MOSMO: variants seen among roughly 807,000 people sequenced by gnomAD.
MOSMO encodes modulator of smoothened protein.
A neutral mutation model predicts 18.4 loss-of-function variants in MOSMO; 5 were observed. That is an observed-to-expected ratio of 0.27 (90% CI 0.14 to 0.57). The LOEUF is 0.57. Ranked by LOEUF, MOSMO falls within the 20% of genes least tolerant of loss-of-function variation. The probability of loss-of-function intolerance (pLI) is 0.92; values close to 1 mark genes in which losing one functional copy is unlikely to be tolerated. For missense variants in MOSMO, 138 were observed against 211.8 expected (o/e 0.65, Z 2.16); for synonymous variants, 82 against 82.3 (o/e 1.00, Z 0.02).
chr16:22,034,059 A>G (rs940630940), intron 1 of MOSMO, among the ~76,000 whole-genome samples: 1 of 152,210 alleles, frequency 6.6e-6, no homozygotes, highest in East Asian at 1.9e-4. Flanking sequence ...CTCTATGTAC[A>G]TTTAGAACTA....
chr16:22,032,508 A>G (rs1373852278), intron 1 of MOSMO, among the ~76,000 whole-genome samples: 1 of 151,968 alleles, frequency 6.6e-6, no homozygotes, highest in Non-Finnish European at 1.5e-5. Context: ...CCATTTTTAA[A>G]TTGGATTACT....
chr16:22,048,897 A>G (rs1488936247), intron 1 of MOSMO, among the ~76,000 whole-genome samples: 2 of 152,078 alleles, frequency 1.3e-5, no homozygotes, highest in Non-Finnish European at 2.9e-5. Flanking sequence ...ATAAGTATCT[A>G]GCTTTATGTT....
chr16:22,053,121 A>AT lies in MOSMO; in HGVS notation c.107-22353dup, dbSNP rs1211942784. 9.5e-3 allele frequency among the ~76,000 whole-genome samples: 1,356 copies of AT among 142,572 alleles called. 13 individuals carry two copies. The highest frequency in any genetic ancestry group is 9.9e-3 in the Non-Finnish European group (644 of 64,756). 93.5% of individuals were successfully genotyped at this position (142,572 alleles called of 152,430 possible). On this transcript the variant is annotated intron_variant, in intron 1 of 2. Transcript: ENST00000542527. ...AGGCACCCGCCACCACGCCCAGCTA[A>AT]TTTTTTTTTTTTTGTATTTTTAGTA... is the stretch of plus-strand genomic sequence containing the variant.
At chr16:22,051,757 G>A (rs1459188441) in intron 1 of MOSMO, among the ~76,000 whole-genome samples, 1 of 152,160 alleles carries the variant, frequency 6.6e-6, no homozygotes, top group Non-Finnish European at 1.5e-5. Context: ...AGTTTTGGAG[G>A]CCCCGGCTTG....
chr16:22,038,267 A>G (rs777799326), intron 1 of MOSMO, among the ~76,000 whole-genome samples: 2 of 152,210 alleles, frequency 1.3e-5, no homozygotes, highest in Non-Finnish European at 2.9e-5. Flanking sequence ...AGAAGTGGTA[A>G]AGTAGGAGCC....
chr16:22,080,160 T>C (rs1901050829), intron 2 of MOSMO, among the ~76,000 whole-genome samples: 1 of 152,158 alleles, frequency 6.6e-6, no homozygotes, highest in African/African-American at 2.4e-5. Context: ...TCCTTCTCAC[T>C]AACACTGAGA....
intron 1 of MOSMO, among the ~76,000 whole-genome samples, chr16:22,063,665 TG>T (rs1457692987): frequency 6.6e-6 from 1 of 152,132 alleles, no homozygotes; most frequent in African/African-American, 2.4e-5. Flanking sequence ...TGAGAAATAG[TG>T]GCTAGTGTAG....
intron 1 of MOSMO, among the ~76,000 whole-genome samples, chr16:22,066,781 A>T (rs1462274121): frequency 1.3e-5 from 2 of 152,242 alleles, no homozygotes; most frequent in East Asian, 3.8e-4. Context: ...GAAGGAAGGA[A>T]TTTGATTTCC....
intron 1 of MOSMO, among the ~76,000 whole-genome samples, chr16:22,047,919 G>T (rs181069697): frequency 6.6e-6 from 1 of 152,324 alleles, no homozygotes; most frequent in African/African-American, 2.4e-5. Flanking sequence ...CTATTAGAAG[G>T]ATAGTACTAC....
intron 1 of MOSMO, among the ~76,000 whole-genome samples, chr16:22,071,645 A>T (rs1373932393): frequency 6.6e-6 from 1 of 152,190 alleles, no homozygotes. Flanking sequence ...GTTATGCTGC[A>T]CAGGTGAGAT....
chr16:22,083,641 A>G lies in MOSMO; in HGVS notation c.*2761A>G. On this transcript the variant is annotated 3_prime_UTR_variant, in exon 3 of 3. Transcript: ENST00000542527. Reference sequence around the variant, plus strand: ...TAAAACACTGTTTTATGGTGCAATCATTTGTCAAACTTTTGTCTGTTTCAT... The same window carrying G: ...TAAAACACTGTTTTATGGTGCAATCGTTTGTCAAACTTTTGTCTGTTTCAT... 1 of 452,944 alleles carries G rather than the reference A, an allele frequency of 2.2e-6. No homozygotes were observed. The highest frequency in any genetic ancestry group is 3.3e-4 in the Middle Eastern group (1 of 3,050). 28.1% of individuals were successfully genotyped at this position (452,944 alleles called of 1,614,324 possible).
rs772828934 is a variant in MOSMO at position 22,008,282 on chromosome 16, G to A, written c.-20G>A. The A allele has an allele frequency of 2.7e-6, 4 of 1,467,762 alleles. No individual in the cohort carries two copies. The highest frequency in any genetic ancestry group is 2.5e-5 in the South Asian group (2 of 81,246). 90.9% of individuals were successfully genotyped at this position (1,467,762 alleles called of 1,614,324 possible). The stretch of plus-strand genomic sequence containing the variant: ...GCTGCCTGTCCGGGGCTCGGGGGGT[G>A]GGGGGAGCGGGGCGGGGAGATGGAT... On this transcript the variant is annotated 5_prime_UTR_variant, in exon 1 of 3. Transcript: ENST00000542527.
chr16:22,034,734 GT>G (rs1262841114), intron 1 of MOSMO, among the ~76,000 whole-genome samples: 2 of 37,830 alleles, frequency 5.3e-5, no homozygotes, highest in South Asian at 9.0e-4. Context: ...TTTTTTGTTT[GT>G]TTTTTTGGGT....
chr16:22,061,821 G>A (rs1170453149), intron 1 of MOSMO, among the ~76,000 whole-genome samples: 1 of 152,126 alleles, frequency 6.6e-6, no homozygotes, highest in East Asian at 1.9e-4. Flanking sequence ...ATTAATGAGG[G>A]ATTGATTTTA....
chr16:22,054,335 A>T (rs568442237), intron 1 of MOSMO, among the ~76,000 whole-genome samples: 155 of 152,226 alleles, frequency 1.0e-3, no homozygotes, highest in African/African-American at 3.4e-3. Flanking sequence ...GGCTCAGGCG[A>T]TCCTCCTTCC....
chr16:22,075,409 C>T, intron 1 of MOSMO, 78 bp from the exon 2 acceptor site: 1 of 984,604 alleles, frequency 1.0e-6, no homozygotes, highest in Non-Finnish European at 1.4e-6. Flanking sequence ...GATTTAAGAA[C>T]TAAAGGGGTG....
At chr16:22,080,135 T>C (rs1238176861) in intron 2 of MOSMO, among the ~76,000 whole-genome samples, 2 of 152,210 alleles carry the variant, frequency 1.3e-5, no homozygotes, top group African/African-American at 2.4e-5. Flanking sequence ...TATTTATATG[T>C]ACCTTTTCTC....
At chr16:22,031,466 G>A (rs1170024838) in intron 1 of MOSMO, among the ~76,000 whole-genome samples, 2 of 152,100 alleles carry the variant, frequency 1.3e-5, no homozygotes, top group East Asian at 3.8e-4. Context: ...CACCACAGTT[G>A]ATTTTAAAAC....
At position 22,060,885 on chromosome 16, in the gene MOSMO, A is replaced by AC. The variant is rs545937657; in HGVS notation, c.107-14602_107-14601insC. 6.6e-5 allele frequency among the ~76,000 whole-genome samples: 10 copies of AC among 152,242 alleles called. No individual in the cohort carries two copies. The South Asian group carries it at 2.1e-3, about 32-fold the overall frequency. ...CAAAACTCTGTCTCAAAAAAAGAAA[A>AC]AAAAAAAAGAAAAGTACAGCTACTT... On this transcript the variant is annotated intron_variant, in intron 1 of 2. Transcript: ENST00000542527.
Sources: gnomAD v4.1 joint callset for allele counts (sites outside exome capture counted in the v4.1 genomes callset) on GRCh38, gnomAD v4.1.1 for gene constraint, MANE v1.5 for transcripts, NCBI Gene and HGNC (gene_info 2026-07-23, HGNC 2026-07-21) for gene names.